Variants in CNTNAP2 observed in about 807,000 individuals in gnomAD.
CNTNAP2 encodes the protein contactin associated protein 2, also known as contactin-associated protein-like 2.
A neutral mutation model predicts 155.2 loss-of-function variants in CNTNAP2; 98 were observed. The observed-to-expected ratio is 0.63, with a 90% CI of 0.54 to 0.75. The LOEUF is 0.75. Ranked by LOEUF, CNTNAP2 falls within the 30% of genes least tolerant of loss-of-function variation. CNTNAP2 has a pLI of 0.00. For synonymous variants in CNTNAP2, 651 were observed against 631.2 expected, an observed-to-expected ratio of 1.03 and a Z score of -0.47; for missense variants, 1,727 against 1,688.1, an observed-to-expected ratio of 1.02 and a Z score of -0.40.
chr7:147,672,405 A>G (rs1795802917), intron 13 of CNTNAP2: 1 of 152,106 alleles, frequency 6.6e-6, no homozygotes, highest in Admixed American at 6.6e-5. Context: ...TTTGTGCTAA[A>G]CTCTTTTCTT....
chr7:146,231,059 T>C (rs952416271), intron 1 of CNTNAP2, among the ~76,000 whole-genome samples: 1 of 133,834 alleles, frequency 7.5e-6, no homozygotes, highest in Non-Finnish European at 1.6e-5. Flanking sequence ...ATATATTTAA[T>C]ATAGCTTGAA....
At chr7:147,683,983 A>G (rs761263109) in intron 13 of CNTNAP2, among the ~76,000 whole-genome samples, 1 of 151,724 alleles carries the variant, frequency 6.6e-6, no homozygotes, top group Admixed American at 6.6e-5. Flanking sequence ...CTACCAATGG[A>G]GGATAAGAAG....
intron 13 of CNTNAP2, among the ~76,000 whole-genome samples, chr7:147,780,943 A>G (rs968082752): frequency 6.6e-6 from 1 of 152,176 alleles, no homozygotes; most frequent in Non-Finnish European, 1.5e-5. Context: ...CTTCCAAGTG[A>G]GGAGACAGGT....
At chr7:146,848,370 T>C (rs533670688) in intron 3 of CNTNAP2, among the ~76,000 whole-genome samples, 2 of 152,188 alleles carry the variant, frequency 1.3e-5, no homozygotes, top group South Asian at 4.1e-4. Context: ...CTTTGATAAA[T>C]AGGCACTCAC....
Position 148,417,757 on chromosome 7 carries a change from A to G in CNTNAP2, c.*2141A>G, listed in dbSNP as rs983142341. On this transcript the variant is annotated 3_prime_UTR_variant, in exon 24 of 24. Transcript: ENST00000361727. ...AAATAATGCCAGATGGAAATTTATT[A>G]TTTCTTGCAATTCCCATGATAGCTC... is the stretch of plus-strand genomic sequence containing the variant. 6.6e-6 allele frequency: 1 copy of G among 152,204 alleles called. No individual in the cohort carries two copies. The highest frequency in any genetic ancestry group is 2.4e-5 in the African/African-American group (1 of 41,452). 9.4% of individuals were successfully genotyped at this position (152,204 alleles called of 1,614,324 possible). A position where few individuals can be genotyped will look rare whatever the true frequency, so the allele number is the denominator to read the frequency against.
At chr7:147,435,700 G>T (rs1270205632) in intron 10 of CNTNAP2, among the ~76,000 whole-genome samples, 1 of 152,142 alleles carries the variant, frequency 6.6e-6, no homozygotes, top group African/African-American at 2.4e-5. Flanking sequence ...GTGGTGCCGA[G>T]CTCCTTCCTA....
chr7:146,851,061 T>A (rs1794868837), intron 3 of CNTNAP2, among the ~76,000 whole-genome samples: 1 of 152,194 alleles, frequency 6.6e-6, no homozygotes, highest in East Asian at 1.9e-4. Flanking sequence ...CTCTGCTCAC[T>A]GCAACCTCCG....
intron 21 of CNTNAP2, chr7:148,381,400 A>T (rs1156569749): frequency 6.6e-6 from 1 of 152,264 alleles, no homozygotes; most frequent in African/African-American, 2.4e-5. Flanking sequence ...ATTGCCGATG[A>T]AAGTGGCTCT....
At chr7:147,626,305 G>A (rs1331895076) in intron 12 of CNTNAP2, among the ~76,000 whole-genome samples, 1 of 152,000 alleles carries the variant, frequency 6.6e-6, no homozygotes, top group African/African-American at 2.4e-5. Flanking sequence ...TCTTATTGGG[G>A]CACTGTGGGA....
chr7:146,136,412 C>T (rs1484192863), intron 1 of CNTNAP2, among the ~76,000 whole-genome samples: 1 of 152,138 alleles, frequency 6.6e-6, no homozygotes, highest in Non-Finnish European at 1.5e-5. Context: ...TTACCATGAA[C>T]ATATTTTATA....
At chr7:146,805,039 G>A (rs1452933920) in intron 2 of CNTNAP2, among the ~76,000 whole-genome samples, 1 of 152,214 alleles carries the variant, frequency 6.6e-6, no homozygotes, top group African/African-American at 2.4e-5. Context: ...CACAGGAGGC[G>A]AACAAGAGGC....
chr7:146,908,220 C>A (rs962836889), intron 3 of CNTNAP2, among the ~76,000 whole-genome samples: 3 of 149,760 alleles, frequency 2.0e-5, no homozygotes, highest in Middle Eastern at 3.2e-3. Flanking sequence ...TAACACCGCA[C>A]TGTCAACATT....
intron 12 of CNTNAP2, among the ~76,000 whole-genome samples, chr7:147,619,564 G>A (rs968344727): frequency 5.3e-5 from 8 of 152,306 alleles, no homozygotes; most frequent in Non-Finnish European, 7.3e-5. Context: ...GGCCCGTTGT[G>A]GTGATGACCA....
intron 1 of CNTNAP2, among the ~76,000 whole-genome samples, chr7:146,409,243 G>A (rs1364146318): frequency 6.6e-6 from 1 of 152,094 alleles, no homozygotes; most frequent in East Asian, 1.9e-4. Context: ...AAAGGTATAA[G>A]TCATTTTGCG....
At chr7:147,955,206 T>C (rs1800999637) in intron 14 of CNTNAP2, among the ~76,000 whole-genome samples, 1 of 152,234 alleles carries the variant, frequency 6.6e-6, no homozygotes, top group Non-Finnish European at 1.5e-5. Context: ...TTGATAGTCA[T>C]CAAAATTGAA....
Position 147,116,679 on chromosome 7 carries a change from G to T in CNTNAP2, c.755-4300G>T, listed in dbSNP as rs369456495. 1.7e-3 allele frequency among the ~76,000 whole-genome samples: 259 copies of T among 151,176 alleles called. 1 individual carries two copies. The highest frequency in any genetic ancestry group is 5.1e-3 in the African/African-American group (210 of 41,124). ...CCACAGGCTGTGGAATGACTGAATTGTCCAAACAACCCAGGTGGTGACCCT... is the reference window on the plus strand; with the variant it reads ...CCACAGGCTGTGGAATGACTGAATTTTCCAAACAACCCAGGTGGTGACCCT... On this transcript the variant is annotated intron_variant, in intron 5 of 23. Transcript: ENST00000361727.
chr7:146,855,906 A>C lies in CNTNAP2; in HGVS notation c.402+16002A>C, dbSNP rs370991792. Among the ~76,000 whole-genome samples, 3 of 149,774 alleles carry C rather than the reference A, an allele frequency of 2.0e-5. No individual in the cohort carries two copies. The East Asian group carries it at 5.9e-4, about 29-fold the overall frequency. On this transcript the variant is annotated intron_variant, in intron 3 of 23. Transcript: ENST00000361727. ...CTCTGACAGCTGGATGGATCTAGAA[A>C]CAAAAATATTGCAGTAACACTAAGC...
At chr7:147,907,836 C>G (rs375075273) in intron 14 of CNTNAP2, among the ~76,000 whole-genome samples, 3 of 152,132 alleles carry the variant, frequency 2.0e-5, no homozygotes, top group African/African-American at 7.2e-5. Flanking sequence ...GGCTGAGGTA[C>G]AGTAGTGTGA....
intron 3 of CNTNAP2, among the ~76,000 whole-genome samples, chr7:146,851,934 C>T (rs888779982): frequency 6.6e-6 from 1 of 152,014 alleles, no homozygotes; most frequent in African/African-American, 2.4e-5. Flanking sequence ...AGTCCTCCCA[C>T]CTCGGCCTCC....
Sources: allele counts gnomAD v4.1 joint callset (sites outside exome capture counted in the v4.1 genomes callset), GRCh38; gene constraint gnomAD v4.1.1; transcripts MANE v1.5; gene names NCBI Gene and HGNC (gene_info 2026-07-23, HGNC 2026-07-21).